The following HIVEP3 variants were observed in gnomAD, a reference collection of about 807,000 sequenced individuals.
HIVEP3 encodes HIVEP zinc finger 3.
In HIVEP3, 49 loss-of-function variants were observed where a neutral mutation model predicts 152.8. The ratio of observed to expected loss-of-function variants is 0.32; its 90% CI spans 0.26 to 0.41. The LOEUF is 0.41. HIVEP3 is among the 10% of genes least tolerant of loss of function. The pLI, the probability that HIVEP3 is intolerant of heterozygous loss-of-function variation, is 1.00. For synonymous variants in HIVEP3, 1,269 were observed against 1,289.0 expected (o/e 0.98, Z 0.33); for missense variants, 2,790 against 3,103.3 (o/e 0.90, Z 2.40).
chr1:41,579,466 A>G (rs1644367333), intron 4 of HIVEP3, among the ~76,000 whole-genome samples: 1 of 152,136 alleles, frequency 6.6e-6, no homozygotes, highest in Admixed American at 6.5e-5. Flanking sequence ...TGTATCTTTG[A>G]TTTCACAACA....
At chr1:41,874,210 T>G (rs1644129276) in intron 1 of HIVEP3, among the ~76,000 whole-genome samples, 1 of 152,232 alleles carries the variant, frequency 6.6e-6, no homozygotes, top group Non-Finnish European at 1.5e-5. Flanking sequence ...CTATTTGCAT[T>G]TTTTATTCTT....
At chr1:41,520,921 A>G (rs894636122) in intron 6 of HIVEP3, among the ~76,000 whole-genome samples, 6 of 152,158 alleles carry the variant, frequency 3.9e-5, no homozygotes, top group Non-Finnish European at 8.8e-5. Flanking sequence ...TGCTTGAACC[A>G]ACACAGTGAA....
chr1:41,966,084 TAAAGA>T (rs1645196130), intron 1 of HIVEP3, among the ~76,000 whole-genome samples: 1 of 152,212 alleles, frequency 6.6e-6, no homozygotes, highest in East Asian at 1.9e-4. Flanking sequence ...TCAACATTCT[TAAAGA>T]AAAGAATTTC....
chr1:41,932,364 G>A (rs573742191), intron 1 of HIVEP3, among the ~76,000 whole-genome samples: 1 of 151,840 alleles, frequency 6.6e-6, no homozygotes, highest in South Asian at 2.1e-4. Context: ...TAGAAGATAT[G>A]GGATTATTGA....
intron 1 of HIVEP3, among the ~76,000 whole-genome samples, chr1:41,905,674 C>T (rs1644698117): frequency 1.3e-5 from 2 of 152,180 alleles, no homozygotes; most frequent in African/African-American, 4.8e-5. Flanking sequence ...ACCCTGTGCT[C>T]TTAATTTCTA....
chr1:41,779,826 C>T (rs1387039361), intron 1 of HIVEP3, among the ~76,000 whole-genome samples: 1 of 152,126 alleles, frequency 6.6e-6, no homozygotes, highest in Non-Finnish European at 1.5e-5. Flanking sequence ...GAAGGGTGAC[C>T]AGAATTGGGT....
chr1:41,554,225 T>C (rs564662582), intron 5 of HIVEP3, among the ~76,000 whole-genome samples: 69 of 152,350 alleles, frequency 4.5e-4, no homozygotes, highest in African/African-American at 1.6e-3. Flanking sequence ...TAAACTGCTC[T>C]TCTCACTTTT....
In HIVEP3 at chr1:41,579,994, T is replaced by C; in HGVS notation, c.4804A>G (p.Thr1602Ala). The C allele has an allele frequency of 6.2e-7, 1 of 1,614,176 alleles. No homozygotes were observed. The highest frequency in any genetic ancestry group is 8.5e-7 in the Non-Finnish European group (1 of 1,180,038). ...TTTAAATAGCACCAACTGACATTAG[T>C]GGTTGTGTGGAGGCTGGGGAACTGC... is the stretch of plus-strand genomic sequence containing the variant. ...VLQFPSLHTT[T>A]NVSWCYLNYI... The change falls in exon 4 of 9, where the codon ACT (threonine) becomes GCT (alanine). Residue 1602 changes from threonine (T) to alanine (A), a missense_variant. Physicochemically the swap from Thr to Ala is moderately conservative, Grantham distance 58 (BLOSUM62 0). Around this residue, in one of 9 missense-constraint regions of HIVEP3, gnomAD observed 1,078 missense variants for 1,165.3 expected, o/e 0.93. Coordinates refer to ENST00000372583, the MANE Select transcript of HIVEP3 (RefSeq NM_024503.5).
At chr1:41,847,180 A>G (rs1234644644) in intron 1 of HIVEP3, 4 of 152,254 alleles carry the variant, frequency 2.6e-5, no homozygotes, top group African/African-American at 9.6e-5. Context: ...GGAAATAATT[A>G]GTCATAGGAA....
intron 3 of HIVEP3, among the ~76,000 whole-genome samples, chr1:41,590,967 A>G (rs894785411): frequency 6.6e-6 from 1 of 152,184 alleles, no homozygotes; most frequent in Non-Finnish European, 1.5e-5. Context: ...TAGTCTCCCC[A>G]TCTGTAAAAA....
intron 3 of HIVEP3, among the ~76,000 whole-genome samples, chr1:41,620,248 G>A (rs374406214): frequency 3.3e-5 from 5 of 152,152 alleles, no homozygotes; most frequent in African/African-American, 1.2e-4. Context: ...CTGCAGCTAC[G>A]CTGGCCAGGA....
In HIVEP3 at chr1:41,583,673, G is replaced by T; in HGVS notation, c.1125C>A (p.Ile375=). The change falls in exon 4 of 9, where the codon ATC becomes ATA. Residue 375 remains isoleucine, a synonymous_variant. Coordinates refer to ENST00000372583, the MANE Select transcript of HIVEP3 (RefSeq NM_024503.5). The surrounding 1 kb of genome is among the most constrained non-coding windows in gnomAD (Gnocchi z 6.9). ...ALRLSERKKV[I]DEQAFLSPGS... is the part of the protein sequence containing the mutation. ...CTGGGCTCAGAAACGCCTGCTCATC[G>T]ATCACCTTCTTCCTCTCGCTTAAGC... 6.2e-7 allele frequency: 1 copy of T among 1,614,058 alleles called. No individual in the cohort carries two copies.
At chr1:41,820,328 T>C (rs2492603) in intron 1 of HIVEP3, among the ~76,000 whole-genome samples, 120,172 of 152,170 alleles carry the variant, frequency 0.79, 47,640 homozygotes, top group East Asian at 1. Flanking sequence ...TATGCAGTGA[T>C]CTGTTTTATC....
chr1:41,922,651 A>G (rs1284018408), upstream of HIVEP3, among the ~76,000 whole-genome samples: 1 of 152,222 alleles, frequency 6.6e-6, no homozygotes, highest in Non-Finnish European at 1.5e-5. Flanking sequence ...CTTGAAAGAT[A>G]AGAGTATAAG....
intron 1 of HIVEP3, chr1:41,849,199 A>C (rs1013057650): frequency 1.3e-5 from 2 of 152,186 alleles, no homozygotes; most frequent in African/African-American, 4.8e-5. Context: ...ACCAAACTGA[A>C]TCAGAACTCT....
At chr1:41,574,539 G>A (rs934402442) in intron 5 of HIVEP3, among the ~76,000 whole-genome samples, 3 of 152,074 alleles carry the variant, frequency 2.0e-5, no homozygotes, top group African/African-American at 4.8e-5. Context: ...CCTGGGGAGG[G>A]TGGCAGTCTC....
chr1:41,545,110 CCACCACTACCATCAT>C lies in HIVEP3; in HGVS notation c.5208-20215_5208-20201del, dbSNP rs1341050957. On this transcript the variant is annotated intron_variant, in intron 5 of 8. Coordinates refer to ENST00000372583, the MANE Select transcript of HIVEP3 (RefSeq NM_024503.5). ...TCTACCATCGCTACCATCACCACCA[CCACCACTACCATCAT>C]CACCACTACCACCATCACCACCAAC... 3.7e-4 allele frequency among the ~76,000 whole-genome samples: 51 copies of C among 139,190 alleles called. 1 individual carries two copies. The highest frequency in any genetic ancestry group is 8.4e-4 in the Admixed American group (12 of 14,288). The allele number at this position is 139,190 out of a possible 152,430, so 91.3% of individuals were successfully genotyped here. A position where few individuals can be genotyped will look rare whatever the true frequency, so the allele number is the denominator to read the frequency against.
chr1:41,967,799 G>C (rs1228426950), intron 1 of HIVEP3, among the ~76,000 whole-genome samples: 1 of 152,024 alleles, frequency 6.6e-6, no homozygotes, highest in East Asian at 1.9e-4. Context: ...TAGACCACTA[G>C]ACTAATAAAG....
chr1:41,558,206 G>A (rs1643999551), intron 5 of HIVEP3, among the ~76,000 whole-genome samples: 1 of 152,180 alleles, frequency 6.6e-6, no homozygotes, highest in Admixed American at 6.5e-5. Context: ...CCCCGGCCCA[G>A]GCAGCATTGG....
Sources: gnomAD v4.1 joint callset for allele counts (sites outside exome capture counted in the v4.1 genomes callset) on GRCh38, gnomAD v4.1.1 for gene constraint, gnomAD v4.1.1 regional missense constraint, Gnocchi (gnomAD v3.1) non-coding constraint, MANE v1.5 for transcripts, NCBI Gene and HGNC (gene_info 2026-07-23, HGNC 2026-07-21) for gene names.